The following DLGAP2 variants were observed in gnomAD, a reference collection of about 807,000 sequenced individuals.
DLGAP2 encodes disks large-associated protein 2.
In DLGAP2, 26 loss-of-function variants were observed where a neutral mutation model predicts 100.3. The observed-to-expected ratio is 0.26, with a 90% CI of 0.19 to 0.36. The LOEUF (loss-of-function observed/expected upper bound fraction) is 0.36. DLGAP2 is among the 10% of genes least tolerant of loss of function. The probability of loss-of-function intolerance (pLI) is 1.00; values close to 1 mark genes in which losing one functional copy is unlikely to be tolerated. For synonymous variants in DLGAP2, 886 were observed against 630.1 expected (o/e 1.41, Z -6.08); for missense variants, 1,858 against 1,453.2 (o/e 1.28, Z -4.53).
intron 1 of DLGAP2, among the ~76,000 whole-genome samples, chr8:892,491 G>A (rs1798056344): frequency 6.6e-6 from 1 of 152,166 alleles, no homozygotes; most frequent in Non-Finnish European, 1.5e-5. Context: ...ATGCCCCTGG[G>A]GCTGCAGATT....
chr8:1,254,994 C>CTGCTGCCCGGGTGCTGTGTCTGTG (rs1799149736), intron 2 of DLGAP2, among the ~76,000 whole-genome samples: 2 of 130,156 alleles, frequency 1.5e-5, no homozygotes, highest in African/African-American at 6.7e-5. Flanking sequence ...GTGTGTGTGT[C>CTGCTGCCCGGGTGCTGTGTCTGTG]CTCTCATCCT....
intron 2 of DLGAP2, among the ~76,000 whole-genome samples, chr8:1,194,772 C>T (rs1047009549): frequency 1.3e-5 from 2 of 152,210 alleles, no homozygotes; most frequent in Admixed American, 6.5e-5. Context: ...GTTTGGAACC[C>T]TCTGTTCCCT....
intron 5 of DLGAP2, among the ~76,000 whole-genome samples, chr8:1,555,985 G>A (rs1801950754): frequency 6.6e-6 from 1 of 152,206 alleles, no homozygotes; most frequent in South Asian, 2.1e-4. Flanking sequence ...AACACTGGGT[G>A]GGTGCATGCG....
Position 771,057 on chromosome 8 carries a change from T to C in DLGAP2, c.18+33232T>C, listed in dbSNP as rs187647294. Among the ~76,000 whole-genome samples, 876 of 152,264 alleles carry C rather than the reference T, an allele frequency of 5.8e-3. 5 individuals carry two copies. The highest frequency in any genetic ancestry group is 0.019 in the African/African-American group (782 of 41,538). ...TCCAGACAGGTGCCTTCCAGCTCCA[T>C]TTCTCCATTTCGTGAAGTTGTGACA... On this transcript the variant is annotated intron_variant, in intron 1 of 14. Coordinates refer to ENST00000637795, the MANE Select transcript of DLGAP2 (RefSeq NM_001346810.2).
chr8:1,577,860 C>A (rs986104268), intron 6 of DLGAP2, among the ~76,000 whole-genome samples: 2 of 152,190 alleles, frequency 1.3e-5, no homozygotes, highest in African/African-American at 4.8e-5. Context: ...CTGCCCCTGG[C>A]CCCGCAAGTC....
intron 3 of DLGAP2, among the ~76,000 whole-genome samples, chr8:1,263,565 A>G (rs903921071): frequency 2.0e-5 from 3 of 152,240 alleles, no homozygotes; most frequent in Non-Finnish European, 4.4e-5. Flanking sequence ...TGCTTTTTAA[A>G]TACAAGATAT....
intron 3 of DLGAP2, among the ~76,000 whole-genome samples, chr8:1,450,605 G>C (rs912469364): frequency 6.6e-6 from 1 of 152,002 alleles, no homozygotes; most frequent in Non-Finnish European, 1.5e-5. Flanking sequence ...ACTTCCTCCT[G>C]CCTACCTTTT....
chr8:1,136,366 C>G (rs143948030), intron 2 of DLGAP2, among the ~76,000 whole-genome samples: 14 of 152,336 alleles, frequency 9.2e-5, no homozygotes, highest in African/African-American at 3.1e-4. Context: ...GCAGCCTGTC[C>G]ACAGCAGATG....
chr8:1,112,693 T>C (rs1002213533), intron 2 of DLGAP2, among the ~76,000 whole-genome samples: 1 of 152,252 alleles, frequency 6.6e-6, no homozygotes, highest in Non-Finnish European at 1.5e-5. Context: ...TGATAGTTTC[T>C]TTTGCTCTAC....
intron 2 of DLGAP2, among the ~76,000 whole-genome samples, chr8:1,103,002 G>A (rs941047141): frequency 4.6e-5 from 7 of 151,522 alleles, no homozygotes; most frequent in African/African-American, 1.7e-4. Context: ...TGAGTCTGTG[G>A]TTCCCTATGA....
At chr8:855,360 C>G (rs1211327615) in intron 1 of DLGAP2, among the ~76,000 whole-genome samples, 1 of 152,064 alleles carries the variant, frequency 6.6e-6, no homozygotes, top group Admixed American at 6.5e-5. Flanking sequence ...CTCTGTGCTC[C>G]CCACTCAACA....
At chr8:1,480,750 C>G (rs1299305543) in intron 3 of DLGAP2, among the ~76,000 whole-genome samples, 1 of 151,800 alleles carries the variant, frequency 6.6e-6, no homozygotes, top group Non-Finnish European at 1.5e-5. Context: ...CCTATAATCC[C>G]AGCTGCTTGG....
intron 3 of DLGAP2, among the ~76,000 whole-genome samples, chr8:1,318,749 C>A: frequency 6.7e-6 from 1 of 150,264 alleles, no homozygotes; most frequent in African/African-American, 2.5e-5. Flanking sequence ...TTACTGTTTT[C>A]ATTGTAACTA....
intron 2 of DLGAP2, among the ~76,000 whole-genome samples, chr8:1,145,285 C>T (rs1043608045): frequency 2.6e-5 from 4 of 152,174 alleles, no homozygotes; most frequent in Non-Finnish European, 4.4e-5. Context: ...ACCCACCATC[C>T]CTCCAGGAAG....
intron 3 of DLGAP2, among the ~76,000 whole-genome samples, chr8:1,376,985 T>C (rs1378948036): frequency 6.6e-6 from 1 of 152,154 alleles, no homozygotes; most frequent in Non-Finnish European, 1.5e-5. Flanking sequence ...ATTAACAGAG[T>C]GCATCAGGGA....
intron 2 of DLGAP2, among the ~76,000 whole-genome samples, chr8:931,935 G>C (rs533441934): frequency 6.6e-6 from 1 of 152,252 alleles, no homozygotes; most frequent in East Asian, 1.9e-4. Flanking sequence ...GGGGATGTTT[G>C]GTCCCCATGG....
intron 2 of DLGAP2, among the ~76,000 whole-genome samples, chr8:912,601 G>T (rs906307292): frequency 6.6e-6 from 1 of 151,922 alleles, no homozygotes; most frequent in Admixed American, 6.6e-5. Flanking sequence ...ATTGGAGCCG[G>T]CTCCTGCTCC....
intron 2 of DLGAP2, among the ~76,000 whole-genome samples, chr8:1,219,982 G>C (rs900961774): frequency 3.3e-5 from 5 of 151,742 alleles, no homozygotes; most frequent in African/African-American, 1.2e-4. Context: ...TTCTGATTGT[G>C]TTTATTTGGA....
chr8:1,116,902 A>G (rs1805135253), intron 2 of DLGAP2, among the ~76,000 whole-genome samples: 1 of 152,242 alleles, frequency 6.6e-6, no homozygotes, highest in South Asian at 2.1e-4. Context: ...GTTGATGGGA[A>G]GACAGAAACC....
Sources: gnomAD v4.1 joint callset for allele counts (sites outside exome capture counted in the v4.1 genomes callset) on GRCh38, gnomAD v4.1.1 for gene constraint, MANE v1.5 for transcripts, NCBI Gene and HGNC (gene_info 2026-07-23, HGNC 2026-07-21) for gene names.